FNBP1: variants seen among roughly 807,000 people sequenced by gnomAD.
The protein encoded by FNBP1 is formin-binding protein 1.
A neutral mutation model predicts 90.6 loss-of-function variants in FNBP1; 26 were observed. The observed-to-expected ratio is 0.29, with a 90% CI of 0.21 to 0.40. The LOEUF is 0.40. Among genes scored for constraint, FNBP1 ranks in the 10% least tolerant of loss-of-function variants. The pLI is 1.00. For synonymous variants in FNBP1, 260 were observed against 265.2 expected, an observed-to-expected ratio of 0.98 and a Z score of 0.19; for missense variants, 635 against 768.0, an observed-to-expected ratio of 0.83 and a Z score of 2.05.
At chr9:129,937,725 G>A (rs1319869493) in intron 6 of FNBP1, among the ~76,000 whole-genome samples, 1 of 149,980 alleles carries the variant, frequency 6.7e-6, no homozygotes, top group Non-Finnish European at 1.5e-5. Flanking sequence ...GTGAGACTCC[G>A]TCTCAAAAAA....
chr9:129,968,780 A>G (rs2049000067), intron 4 of FNBP1, among the ~76,000 whole-genome samples: 1 of 152,160 alleles, frequency 6.6e-6, no homozygotes, highest in African/African-American at 2.4e-5. Flanking sequence ...GAGTCACTGA[A>G]AGTATTGTAT....
At position 129,980,001 on chromosome 9, in the gene FNBP1, C is replaced by T. The variant is rs147018233; in HGVS notation, c.141-627G>A. Among the ~76,000 whole-genome samples, 776 of 151,866 alleles carry T rather than the reference C, an allele frequency of 5.1e-3. 4 individuals carry two copies. The highest frequency in any genetic ancestry group is 0.018 in the African/African-American group (730 of 41,454). ...TTTTCTTCTCAGGCCACCATTCTCT[C>T]GTGGTCATCCTGAGTTGGGGCATTA... On this transcript the variant is annotated intron_variant, in intron 2 of 16. Transcript: ENST00000446176.
At chr9:129,950,908 C>T (rs1390578542) in intron 6 of FNBP1, among the ~76,000 whole-genome samples, 1 of 151,638 alleles carries the variant, frequency 6.6e-6, no homozygotes, top group Non-Finnish European at 1.5e-5. Flanking sequence ...ATCCTCCCAC[C>T]TCAGCCTCCT....
At chr9:129,989,151 A>T (rs2052730306) in intron 2 of FNBP1, among the ~76,000 whole-genome samples, 1 of 152,206 alleles carries the variant, frequency 6.6e-6, no homozygotes, top group Non-Finnish European at 1.5e-5. Context: ...AGCCTAGCTC[A>T]GTAACCACCC....
intron 6 of FNBP1, among the ~76,000 whole-genome samples, chr9:129,942,660 G>A (rs2044494077): frequency 6.6e-6 from 1 of 152,100 alleles, no homozygotes; most frequent in Non-Finnish European, 1.5e-5. Flanking sequence ...GGCCACTTTA[G>A]GCTAATGGTA....
In FNBP1 at chr9:129,908,546, AATTATT is replaced by A. The variant is rs943141966; in HGVS notation, c.1295+338_1295+343del. Reference sequence around the variant, plus strand: ...TTCTTTTAATTTTTATTTTATTTTTAATTATTATTATTTTTTATTTTTTTGAGACAG... The same window carrying A: ...TTCTTTTAATTTTTATTTTATTTTTAATTATTTTTTATTTTTTTGAGACAG... On this transcript the variant is annotated intron_variant, in intron 12 of 16. Transcript: ENST00000446176. Among the ~76,000 whole-genome samples the A allele has an allele frequency of 2.8e-5, 4 of 143,414 alleles. No homozygotes were observed. In the Admixed American group the frequency reaches 2.8e-4, roughly 10 times the overall value. The allele number at this position is 143,414 out of a possible 152,430, so 94.1% of individuals were successfully genotyped here. A position where few individuals can be genotyped will look rare whatever the true frequency, so the allele number is the denominator to read the frequency against.
intron 1 of FNBP1, among the ~76,000 whole-genome samples, chr9:130,040,983 TTC>T (rs1258326956): frequency 7.0e-6 from 1 of 143,116 alleles, no homozygotes; most frequent in Non-Finnish European, 1.5e-5. Flanking sequence ...TATTATTTTT[TTC>T]TTTTTTCTTT....
chr9:130,015,515 C>A (rs2057139036), intron 1 of FNBP1, among the ~76,000 whole-genome samples: 1 of 152,068 alleles, frequency 6.6e-6, no homozygotes, highest in South Asian at 2.1e-4. Flanking sequence ...CGACTACTGC[C>A]CAGGTCTTTA....
chr9:130,036,012 C>A (rs1269917257), intron 1 of FNBP1, among the ~76,000 whole-genome samples: 1 of 151,948 alleles, frequency 6.6e-6, no homozygotes, highest in African/African-American at 2.4e-5. Flanking sequence ...ACATATTTGG[C>A]CTCATCATTA....
chr9:129,919,512 T>A (rs1358091040), intron 10 of FNBP1, among the ~76,000 whole-genome samples: 1 of 152,250 alleles, frequency 6.6e-6, no homozygotes, highest in Non-Finnish European at 1.5e-5. Context: ...TAGTTTCATT[T>A]TTCTTCAACT....
intron 11 of FNBP1, among the ~76,000 whole-genome samples, chr9:129,913,094 GCTACT>G (rs2039623094): frequency 6.6e-6 from 1 of 152,022 alleles, no homozygotes; most frequent in South Asian, 2.1e-4. Context: ...TGTAATCCCA[GCTACT>G]CGGGAGGCTG....
At chr9:129,898,782 C>T (rs887059994) in intron 15 of FNBP1, among the ~76,000 whole-genome samples, 1 of 152,136 alleles carries the variant, frequency 6.6e-6, no homozygotes, top group African/African-American at 2.4e-5. Context: ...GCCACTGCAC[C>T]CAGCCGCTGC....
chr9:129,916,004 A>T, intron 10 of FNBP1, 24 bp from the exon 11 acceptor site: 3 of 1,571,378 alleles, frequency 1.9e-6, no homozygotes, highest in Non-Finnish European at 2.6e-6. Flanking sequence ...TTGGAGAGGT[A>T]TGGGAAAAAT....
rs1284583188 is a variant in FNBP1, at chr9:129,900,026, CTCG to C, written c.1623_1625del (p.Asp541del). On this transcript the variant is annotated inframe_deletion, in exon 15 of 17. Coordinates refer to ENST00000446176, the MANE Select transcript of FNBP1 (RefSeq NM_015033.3). This position sits in a 1 kb window ranked among gnomAD's most constrained non-coding sequence, Gnocchi z 4.1. ...CAGGGAGGGGCTCCTCATCATCAAA[CTCG>C]TCGTCAAAATCCGTGGCCAGCACCT... The C allele has an allele frequency of 6.2e-6, 10 of 1,613,504 alleles. No homozygotes were observed. The highest frequency in any genetic ancestry group is 1.7e-5 in the Admixed American group (1 of 59,950).
At chr9:129,934,511 T>C (rs1346223693) in intron 6 of FNBP1, among the ~76,000 whole-genome samples, 3 of 151,990 alleles carry the variant, frequency 2.0e-5, no homozygotes. Flanking sequence ...CCCTTGGGAA[T>C]CTCCCTCAAA....
rs564095296 is a variant in FNBP1, at chr9:129,928,238, G to A, written c.643-897C>T. Among the ~76,000 whole-genome samples the A allele has an allele frequency of 2.0e-5, 3 of 152,306 alleles. No individual in the cohort carries two copies. In the South Asian group the frequency reaches 6.2e-4, roughly 32 times the overall value. The stretch of plus-strand genomic sequence containing the variant: ...ATGAGCAAAAGAAAACAATCCAAAA[G>A]AAAGAACTGTCATTTGTTTAAATCC... On this transcript the variant is annotated intron_variant, in intron 7 of 16. Transcript: ENST00000446176.
chr9:129,977,231 C>T lies in FNBP1; in HGVS notation c.345+1234G>A, dbSNP rs142913184. On this transcript the variant is annotated intron_variant, in intron 4 of 16. Coordinates refer to ENST00000446176, the MANE Select transcript of FNBP1 (RefSeq NM_015033.3). Reference sequence around the variant, plus strand: ...TAGTAACAAATTTTTCCGCACTTCACATGCAATCGAAGTACAATGATACAG... The same window carrying T: ...TAGTAACAAATTTTTCCGCACTTCATATGCAATCGAAGTACAATGATACAG... 2.1e-4 allele frequency among the ~76,000 whole-genome samples: 32 copies of T among 152,072 alleles called. No individual in the cohort carries two copies. In the East Asian group the frequency reaches 5.8e-3, roughly 28 times the overall value.
rs1044076059 is a variant in FNBP1 at position 130,037,569 on chromosome 9, T to C, written c.24+5383A>G. 2.5e-4 allele frequency among the ~76,000 whole-genome samples: 38 copies of C among 152,266 alleles called. 1 individual carries two copies. Among genetic ancestry groups the C allele is most frequent in the African/African-American group, 8.7e-4 (36 of 41,552 alleles). ...ACTATAAAGTGTTCTTATATAAAGA[T>C]ATGTACACATATCATGCCTAAGTAG... On this transcript the variant is annotated intron_variant, in intron 1 of 16. Coordinates refer to ENST00000446176, the MANE Select transcript of FNBP1 (RefSeq NM_015033.3).
At chr9:129,962,625 G>C (rs541873724) in intron 4 of FNBP1, among the ~76,000 whole-genome samples, 20 of 152,284 alleles carry the variant, frequency 1.3e-4, no homozygotes, top group African/African-American at 4.8e-4. Context: ...TCTCTTTTGA[G>C]GTCGAGTTTC....
Sources: allele counts gnomAD v4.1 joint callset (sites outside exome capture counted in the v4.1 genomes callset), GRCh38; gene constraint gnomAD v4.1.1; non-coding constraint Gnocchi (gnomAD v3.1); transcripts MANE v1.5; gene names NCBI Gene and HGNC (gene_info 2026-07-23, HGNC 2026-07-21).